Variants in MIGA1 observed in about 807,000 individuals in gnomAD.
MIGA1 encodes mitoguardin 1, also known as family with sequence similarity 73, member A.
In MIGA1, 58 loss-of-function variants were observed where a neutral mutation model predicts 82.0. That is an observed-to-expected ratio of 0.71 (90% confidence interval 0.57 to 0.88). The LOEUF (loss-of-function observed/expected upper bound fraction) is 0.88, where lower values mean the gene tolerates loss of function less well. MIGA1 is among the 40% of genes least tolerant of loss of function. The probability of loss-of-function intolerance (pLI) is 0.00; values close to 1 mark genes in which losing one functional copy is unlikely to be tolerated. For synonymous variants in MIGA1, 249 were observed against 253.6 expected, an observed-to-expected ratio of 0.98 and a Z score of 0.17; for missense variants, 751 against 749.1, an observed-to-expected ratio of 1.00 and a Z score of -0.03.
At chr1:77,802,445 C>T (rs1206987205) in intron 3 of MIGA1, among the ~76,000 whole-genome samples, 5 of 152,116 alleles carry the variant, frequency 3.3e-5, no homozygotes, top group East Asian at 1.9e-4. Context: ...TTATAAGTGC[C>T]GGGATTTGAA....
Position 77,877,071 on chromosome 1 carries a change from A to G in MIGA1, c.*2007A>G, listed in dbSNP as rs1036631319. The G allele has an allele frequency of 6.6e-6, 1 of 152,138 alleles. No homozygotes were observed. The highest frequency in any genetic ancestry group is 6.6e-5 in the Admixed American group (1 of 15,260). 9.4% of individuals were successfully genotyped at this position (152,138 alleles called of 1,614,324 possible). ...TGCCCAGGCTGGAGTGCAGTGTGCT[A>G]TCATACATAGCTCACTGCAGTCTCC... On this transcript the variant is annotated 3_prime_UTR_variant, in exon 16 of 16. Transcript: ENST00000370791.
chr1:77,878,501 G>A lies in MIGA1; in HGVS notation c.*3437G>A, dbSNP rs200224942. 6.7e-4 allele frequency: 136 copies of A among 202,016 alleles called. 1 individual carries two copies. Among genetic ancestry groups the A allele is most frequent in the African/African-American group, 3.0e-3 (130 of 43,450 alleles). 12.5% of individuals were successfully genotyped at this position (202,016 alleles called of 1,614,324 possible). ...TGTCTTTAAAAATGATTAGTTTAGAGCCTTTTAGGGTAAACCCTGTTTAAA... is the reference window on the plus strand; with the variant it reads ...TGTCTTTAAAAATGATTAGTTTAGAACCTTTTAGGGTAAACCCTGTTTAAA... On this transcript the variant is annotated 3_prime_UTR_variant, in exon 16 of 16. Transcript: ENST00000370791.
Position 77,860,051 on chromosome 1 carries a change from A to G in MIGA1, c.1200A>G (p.Ser400=). The change falls in exon 11 of 16, where the codon TCA becomes TCG. Residue 400 remains serine, a synonymous_variant. Transcript: ENST00000370791. ...GAATATTTTTTCAGGTAATTCTTTC[A>G]GAATCAGCTAACAGGATATTCCTCG... is the stretch of plus-strand genomic sequence containing the variant. 6.2e-7 allele frequency: 1 copy of G among 1,606,502 alleles called. No homozygotes were observed. The highest frequency in any genetic ancestry group is 8.5e-7 in the Non-Finnish European group (1 of 1,176,182).
chr1:77,819,021 G>A (rs1204900741), intron 7 of MIGA1, among the ~76,000 whole-genome samples: 3 of 150,798 alleles, frequency 2.0e-5, no homozygotes, highest in East Asian at 2.0e-4. Context: ...CGGAGGTTGC[G>A]GTGAGCTGAG....
rs545101345 is a variant in MIGA1, at chr1:77,811,926, A to G, written c.638-1808A>G. The G allele has an allele frequency of 1.9e-5, 27 of 1,421,924 alleles. No homozygotes were observed. In the South Asian group the frequency reaches 4.0e-4, roughly 21 times the overall value. 88.1% of individuals were successfully genotyped at this position (1,421,924 alleles called of 1,614,324 possible). A position where few individuals can be genotyped will look rare whatever the true frequency, so the allele number is the denominator to read the frequency against. On this transcript the variant is annotated intron_variant, in intron 5 of 15. Coordinates refer to ENST00000370791, the MANE Select transcript of MIGA1 (RefSeq NM_198549.4). ...ACCGCCACCTGCCGAGGAGCCGCCC[A>G]AGCCCATTTTGCATAAATGTTTTAT... is the stretch of plus-strand genomic sequence containing the variant.
chr1:77,854,376 C>G (rs756257938), intron 8 of MIGA1, among the ~76,000 whole-genome samples: 1 of 152,186 alleles, frequency 6.6e-6, no homozygotes, highest in Non-Finnish European at 1.5e-5. Context: ...GTGCAAGTAT[C>G]TTTTTCGAAT....
intron 14 of MIGA1, 90 bp from the exon 15 acceptor site, chr1:77,872,914 A>G (rs1302505183): frequency 1.3e-6 from 2 of 1,531,550 alleles, no homozygotes; most frequent in South Asian, 1.2e-5. Context: ...CCCACTGGTC[A>G]TATAATGAAT....
At chr1:77,851,912 T>C (rs1369284189) in intron 8 of MIGA1, among the ~76,000 whole-genome samples, 2 of 146,782 alleles carry the variant, frequency 1.4e-5, no homozygotes, top group African/African-American at 5.0e-5. Flanking sequence ...AGTCTTACTC[T>C]GTCACTCAGG....
chr1:77,816,021 T>G (rs1683560762), intron 7 of MIGA1, among the ~76,000 whole-genome samples: 1 of 152,190 alleles, frequency 6.6e-6, no homozygotes, highest in African/African-American at 2.4e-5. Flanking sequence ...TTGGCTCAAC[T>G]CAAACTCCGC....
At chr1:77,839,786 A>C (rs926152987) in intron 7 of MIGA1, among the ~76,000 whole-genome samples, 6 of 152,116 alleles carry the variant, frequency 3.9e-5, no homozygotes, top group African/African-American at 1.4e-4. Context: ...TCTGTCACCC[A>C]GGCTGGAATA....
At chr1:77,846,252 T>C (rs1393854160) in intron 8 of MIGA1, among the ~76,000 whole-genome samples, 1 of 152,170 alleles carries the variant, frequency 6.6e-6, no homozygotes, top group Admixed American at 6.5e-5. Flanking sequence ...GTATTTGGCT[T>C]TCTTTCACTT....
chr1:77,790,729 G>T (rs940506084), intron 2 of MIGA1, among the ~76,000 whole-genome samples: 1 of 151,794 alleles, frequency 6.6e-6, no homozygotes, highest in African/African-American at 2.4e-5. Context: ...TGAGATTACA[G>T]GTGCCCACCA....
chr1:77,816,530 A>T (rs1434086620), intron 7 of MIGA1, among the ~76,000 whole-genome samples: 1 of 152,208 alleles, frequency 6.6e-6, no homozygotes, highest in Non-Finnish European at 1.5e-5. Flanking sequence ...TATTAGAATT[A>T]TGAATTACTG....
intron 8 of MIGA1, chr1:77,848,305 A>G: frequency 1.5e-6 from 2 of 1,308,938 alleles, no homozygotes; most frequent in East Asian, 2.5e-5. Flanking sequence ...CCCAAAGAGA[A>G]CAAGAAAGAG....
chr1:77,837,576 T>C (rs1459787687), intron 7 of MIGA1, among the ~76,000 whole-genome samples: 2 of 152,196 alleles, frequency 1.3e-5, no homozygotes, highest in Admixed American at 6.5e-5. Flanking sequence ...AGGTAATATA[T>C]GTAAAGCATG....
At position 77,878,888 on chromosome 1, in the gene MIGA1, T is replaced by A; in HGVS notation, c.*3824T>A. ...AGTAATATTCTTTATTTGCATCCAT[T>A]TACTATGATTCCGTTAATTTGTTGA... On this transcript the variant is annotated 3_prime_UTR_variant, in exon 16 of 16. Coordinates refer to ENST00000370791, the MANE Select transcript of MIGA1 (RefSeq NM_198549.4). 2.8e-6 allele frequency: 1 copy of A among 353,666 alleles called. No individual in the cohort carries two copies. The highest frequency in any genetic ancestry group is 5.1e-6 in the Non-Finnish European group (1 of 195,958). The allele number at this position is 353,666 out of a possible 1,614,324, so 21.9% of individuals were successfully genotyped here. A position where few individuals can be genotyped will look rare whatever the true frequency, so the allele number is the denominator to read the frequency against.
chr1:77,783,039 A>G (rs188836476), intron 1 of MIGA1, among the ~76,000 whole-genome samples, 199 bp from the exon 2 acceptor site: 20 of 150,962 alleles, frequency 1.3e-4, no homozygotes, highest in East Asian at 9.7e-4. Flanking sequence ...TTTTTATGCT[A>G]TCTCCTACAG....
In MIGA1 at chr1:77,811,683, G is replaced by A. The variant is rs559571512; in HGVS notation, c.638-2051G>A. On this transcript the variant is annotated intron_variant, in intron 5 of 15. Coordinates refer to ENST00000370791, the MANE Select transcript of MIGA1 (RefSeq NM_198549.4). Reference sequence around the variant, plus strand: ...GATGTCTTGCTAATATCTGATACTCGTCTATCGCCTCCACCAGCTGGCCCC... The same window carrying A: ...GATGTCTTGCTAATATCTGATACTCATCTATCGCCTCCACCAGCTGGCCCC... The A allele has an allele frequency of 3.9e-5, 63 of 1,611,844 alleles. 1 individual carries two copies. Among genetic ancestry groups the A allele is most frequent in the African/African-American group, 9.3e-5 (7 of 74,948 alleles).
intron 7 of MIGA1, among the ~76,000 whole-genome samples, chr1:77,834,344 GT>G (rs1684350705): frequency 6.6e-6 from 1 of 151,924 alleles, no homozygotes; most frequent in African/African-American, 2.4e-5. Context: ...CCTGGCTAAT[GT>G]TTTTATTTTA....
Sources: allele counts gnomAD v4.1 joint callset (sites outside exome capture counted in the v4.1 genomes callset), GRCh38; gene constraint gnomAD v4.1.1; transcripts MANE v1.5; gene names NCBI Gene and HGNC (gene_info 2026-07-23, HGNC 2026-07-21).